The following ASPH variants were observed in gnomAD, a reference collection of about 807,000 sequenced individuals.
ASPH encodes aspartyl/asparaginyl beta-hydroxylase.
In ASPH, 100 loss-of-function variants were observed where a neutral mutation model predicts 118.4. That is an observed-to-expected ratio of 0.84 (90% CI 0.72 to 1.00). The LOEUF is 1.00. Ranked by LOEUF, ASPH falls within the 50% of genes least tolerant of loss-of-function variation. The pLI is 0.00. For missense variants in ASPH, 920 were observed against 919.5 expected (o/e 1.00, Z -0.01); for synonymous variants, 315 against 325.6 (o/e 0.97, Z 0.35).
chr8:61,630,929 A>G (rs368143734), intron 13 of ASPH, among the ~76,000 whole-genome samples: 21 of 152,296 alleles, frequency 1.4e-4, no homozygotes, highest in African/African-American at 4.8e-4. Flanking sequence ...AGACCTTTCA[A>G]TGGGACAAGA....
intron 2 of ASPH, chr8:61,682,471 TC>T: frequency 1.2e-6 from 2 of 1,612,700 alleles, no homozygotes; most frequent in Non-Finnish European, 1.7e-6. Flanking sequence ...ATAACGGAAG[TC>T]CTTTGCTTTG....
intron 14 of ASPH, chr8:61,607,331 G>C (rs1490280740): frequency 1.4e-6 from 1 of 700,704 alleles, no homozygotes; most frequent in Admixed American, 2.0e-5. Flanking sequence ...CTCTGTAAAT[G>C]AAAGTGTGTC....
At chr8:61,610,157 C>T (rs971846402) in intron 14 of ASPH, among the ~76,000 whole-genome samples, 2 of 152,052 alleles carry the variant, frequency 1.3e-5, no homozygotes, top group African/African-American at 4.8e-5. Context: ...TACAAATTAG[C>T]TTTGTAAAAT....
chr8:61,682,886 ACAGGTC>A (rs1418252930), intron 2 of ASPH, among the ~76,000 whole-genome samples: 1 of 152,122 alleles, frequency 6.6e-6, no homozygotes, highest in Non-Finnish European at 1.5e-5. Context: ...TTTTCCAGTG[ACAGGTC>A]CACATCTTTC....
intron 1 of ASPH, among the ~76,000 whole-genome samples, chr8:61,704,756 T>C (rs182736212): frequency 2.0e-5 from 3 of 152,164 alleles, no homozygotes; most frequent in Admixed American, 2.0e-4. Context: ...GAATTGCAAA[T>C]GTAAACTACA....
At chr8:61,630,296 T>A (rs1245971886) in intron 13 of ASPH, among the ~76,000 whole-genome samples, 3 of 152,160 alleles carry the variant, frequency 2.0e-5, no homozygotes, top group Admixed American at 6.6e-5. Context: ...TTCCACTGAA[T>A]AAAAGAATTT....
intron 14 of ASPH, among the ~76,000 whole-genome samples, chr8:61,588,227 A>G (rs1213220776): frequency 1.3e-5 from 2 of 152,202 alleles, no homozygotes; most frequent in Non-Finnish European, 2.9e-5. Context: ...TTTCAAAAGC[A>G]CAAAGAAGAA....
chr8:61,533,828 T>A (rs770788544), intron 21 of ASPH, among the ~76,000 whole-genome samples: 2 of 152,260 alleles, frequency 1.3e-5, no homozygotes, highest in Non-Finnish European at 2.9e-5. Flanking sequence ...ACTGTTCATC[T>A]GCTATTGTCT....
At chr8:61,661,863 G>A (rs999328545) in intron 3 of ASPH, 5 of 423,234 alleles carry the variant, frequency 1.2e-5, no homozygotes, top group African/African-American at 6.1e-5. Flanking sequence ...ATTGATTTAT[G>A]TCAATTTCAT....
At chr8:61,666,338 A>G (rs1819596409) in intron 3 of ASPH, among the ~76,000 whole-genome samples, 1 of 152,032 alleles carries the variant, frequency 6.6e-6, no homozygotes, top group African/African-American at 2.4e-5. Flanking sequence ...TCCAAATCTC[A>G]TGGAAGGTAT....
chr8:61,664,004 AATCTT>A, intron 3 of ASPH: 1 of 875,024 alleles, frequency 1.1e-6, no homozygotes, highest in Non-Finnish European at 1.4e-6. Context: ...TAAAAAATAA[AATCTT>A]AGTGGTAGCA....
intron 1 of ASPH, among the ~76,000 whole-genome samples, chr8:61,705,969 T>A (rs1304715958): frequency 6.6e-6 from 1 of 152,230 alleles, no homozygotes; most frequent in Non-Finnish European, 1.5e-5. Context: ...ATTACAGAAC[T>A]CTTTCAATTT....
chr8:61,504,209 G>A (rs536264187), intron 24 of ASPH, among the ~76,000 whole-genome samples: 1 of 152,258 alleles, frequency 6.6e-6, no homozygotes, highest in Non-Finnish European at 1.5e-5. Context: ...AAACATACAG[G>A]AGGCAGTAAC....
chr8:61,649,680 G>A (rs1588645561), intron 5 of ASPH, among the ~76,000 whole-genome samples: 1 of 151,434 alleles, frequency 6.6e-6, no homozygotes, highest in Non-Finnish European at 1.5e-5. Context: ...ACATCTTAGG[G>A]TTCTTTCTAT....
At chr8:61,689,865 A>G in intron 1 of ASPH, 1 of 1,354,300 alleles carries the variant, frequency 7.4e-7, no homozygotes, top group Non-Finnish European at 9.5e-7. Context: ...CCTGACTACA[A>G]ACTCTGCTCA....
intron 21 of ASPH, among the ~76,000 whole-genome samples, chr8:61,545,058 G>A (rs988269521): frequency 6.6e-6 from 1 of 152,150 alleles, no homozygotes; most frequent in East Asian, 1.9e-4. Flanking sequence ...GATGGTAAAG[G>A]GCAGTGGTAA....
At chr8:61,672,558 A>C (rs1203800177) in intron 3 of ASPH, among the ~76,000 whole-genome samples, 1 of 150,934 alleles carries the variant, frequency 6.6e-6, no homozygotes. Flanking sequence ...TTATGCAAGG[A>C]GTAACTCCTC....
chr8:61,516,782 C>T (rs1184170426), intron 24 of ASPH, among the ~76,000 whole-genome samples: 1 of 152,110 alleles, frequency 6.6e-6, no homozygotes, highest in Non-Finnish European at 1.5e-5. Context: ...ATCATAGGTA[C>T]AGAAGCCAGA....
At chr8:61,638,538 C>G (rs1024172518) in intron 10 of ASPH, among the ~76,000 whole-genome samples, 175 bp from the exon 11 acceptor site, 5 of 152,154 alleles carry the variant, frequency 3.3e-5, no homozygotes, top group African/African-American at 1.2e-4. Flanking sequence ...TAGGGTAAAA[C>G]AGGCCTGGAT....
Sources: allele counts gnomAD v4.1 joint callset (sites outside exome capture counted in the v4.1 genomes callset), GRCh38; gene constraint gnomAD v4.1.1; transcripts MANE v1.5; gene names NCBI Gene and HGNC (gene_info 2026-07-23, HGNC 2026-07-21).